The following SPACA7 variants were observed in gnomAD, a reference collection of about 807,000 sequenced individuals.
SPACA7 encodes sperm acrosome-associated protein 7.
Under a neutral mutation model 26.3 loss-of-function variants are expected in SPACA7, and 19 were observed. That is an observed-to-expected ratio of 0.72 (90% CI 0.50 to 1.06). The LOEUF is 1.06. Ranked by LOEUF, SPACA7 falls within the 50% of genes least tolerant of loss-of-function variation. The pLI, the probability that SPACA7 is intolerant of heterozygous loss-of-function variation, is 0.00. For missense variants in SPACA7, 211 were observed against 229.9 expected (o/e 0.92, Z 0.53); for synonymous variants, 84 against 84.5 (o/e 0.99, Z 0.04).
chr13:112,431,896 T>G (rs924581274), intron 5 of SPACA7, among the ~76,000 whole-genome samples: 1 of 152,190 alleles, frequency 6.6e-6, no homozygotes, highest in Non-Finnish European at 1.5e-5. Context: ...TGGGGGGACT[T>G]GGAGCCACTC....
intron 5 of SPACA7, among the ~76,000 whole-genome samples, chr13:112,403,859 A>G (rs950362091): frequency 1.3e-5 from 2 of 152,132 alleles, no homozygotes; most frequent in Non-Finnish European, 2.9e-5. Context: ...TATTTTTGCA[A>G]TTGCAAATTG....
intron 6 of SPACA7, among the ~76,000 whole-genome samples, 156 bp from the exon 7 acceptor site, chr13:112,434,329 G>A (rs72670928): frequency 3.9e-5 from 6 of 151,974 alleles, no homozygotes; most frequent in African/African-American, 1.2e-4. Context: ...CCCCCCTCCC[G>A]GTCCTCCTGC....
chr13:112,397,096 T>C (rs1017826729), intron 2 of SPACA7, among the ~76,000 whole-genome samples: 14 of 152,180 alleles, frequency 9.2e-5, no homozygotes, highest in South Asian at 2.1e-4. Context: ...GGCTGCTGGG[T>C]GAGAAACCAA....
At chr13:112,395,694 T>A (rs149147160) in intron 2 of SPACA7, among the ~76,000 whole-genome samples, 3,609 of 152,190 alleles carry the variant, frequency 0.024, 132 homozygotes, top group African/African-American at 0.082. Context: ...GGTCTCAAAG[T>A]CCTAACCTCA....
At chr13:112,385,744 A>C (rs1884484003) in intron 1 of SPACA7, among the ~76,000 whole-genome samples, 1 of 152,230 alleles carries the variant, frequency 6.6e-6, no homozygotes, top group South Asian at 2.1e-4. Flanking sequence ...ATTACTGGTC[A>C]CGTGAACAAA....
At chr13:112,414,789 C>T (rs535063263) in intron 5 of SPACA7, among the ~76,000 whole-genome samples, 5 of 152,316 alleles carry the variant, frequency 3.3e-5, no homozygotes, top group East Asian at 3.9e-4. Flanking sequence ...CACACATCTT[C>T]GTATCTCTAG....
chr13:112,406,142 A>G (rs967375624), intron 5 of SPACA7, among the ~76,000 whole-genome samples: 1 of 152,208 alleles, frequency 6.6e-6, no homozygotes, highest in Non-Finnish European at 1.5e-5. Flanking sequence ...GTACAGTTCC[A>G]TGATGTTAAA....
chr13:112,379,546 T>A (rs994221778), intron 1 of SPACA7, among the ~76,000 whole-genome samples: 3 of 152,204 alleles, frequency 2.0e-5, no homozygotes, highest in African/African-American at 7.2e-5. Context: ...GGACATATCA[T>A]GGACAGTAAG....
chr13:112,408,194 A>C (rs1245865784), intron 5 of SPACA7, among the ~76,000 whole-genome samples: 1 of 152,174 alleles, frequency 6.6e-6, no homozygotes, highest in Non-Finnish European at 1.5e-5. Flanking sequence ...ACTCTCAATA[A>C]ATTAGGTATT....
At chr13:112,424,129 AC>A (rs996056765) in intron 5 of SPACA7, among the ~76,000 whole-genome samples, 2 of 151,938 alleles carry the variant, frequency 1.3e-5, no homozygotes, top group African/African-American at 4.8e-5. Flanking sequence ...CCGAACAAGG[AC>A]CCCCCTGGGT....
rs537554185 is a variant in SPACA7, at chr13:112,399,786, G to C, written c.349+613G>C. Among the ~76,000 whole-genome samples the C allele has an allele frequency of 4.6e-5, 7 of 152,322 alleles. No individual in the cohort carries two copies. The South Asian group carries it at 1.4e-3, about 32-fold the overall frequency. On this transcript the variant is annotated intron_variant, in intron 4 of 6. Transcript: ENST00000283550. The stretch of plus-strand genomic sequence containing the variant: ...GAGGCTGAGTAATTTATAAAGAAAA[G>C]AGGTTTAATTTGTTCATGGTTCTGC...
intron 5 of SPACA7, among the ~76,000 whole-genome samples, chr13:112,430,411 T>C (rs1221186703): frequency 1.3e-5 from 2 of 152,222 alleles, no homozygotes; most frequent in African/African-American, 2.4e-5. Context: ...TTCTCCGATA[T>C]ATGGGAAAGC....
chr13:112,427,302 C>T (rs1040011757), intron 5 of SPACA7, among the ~76,000 whole-genome samples: 2 of 152,200 alleles, frequency 1.3e-5, no homozygotes, highest in African/African-American at 2.4e-5. Context: ...AAAGCAGGTG[C>T]GTCCACAGTT....
intron 5 of SPACA7, among the ~76,000 whole-genome samples, chr13:112,408,990 C>G (rs1426586220): frequency 6.6e-6 from 1 of 152,200 alleles, no homozygotes; most frequent in Non-Finnish European, 1.5e-5. Flanking sequence ...GTAACCAAAA[C>G]AGCATGATAC....
At chr13:112,379,686 G>T (rs1367016174) in intron 1 of SPACA7, among the ~76,000 whole-genome samples, 4 of 152,144 alleles carry the variant, frequency 2.6e-5, no homozygotes, top group Non-Finnish European at 5.9e-5. Flanking sequence ...ATCAAATAAA[G>T]CTAATTAGTT....
chr13:112,384,672 C>G (rs1884415133), intron 1 of SPACA7, among the ~76,000 whole-genome samples: 1 of 152,092 alleles, frequency 6.6e-6, no homozygotes, highest in South Asian at 2.1e-4. Context: ...ATGATAACTT[C>G]AAAATCTTAA....
At chr13:112,416,804 T>TTGTGTGTGTG (rs148795567) in intron 5 of SPACA7, among the ~76,000 whole-genome samples, 38,500 of 147,780 alleles carry the variant, frequency 0.26, 5,601 homozygotes, top group Non-Finnish European at 0.35. Flanking sequence ...TGATTATGAG[T>TTGTGTGTGTG]TGTGTGTGTG....
chr13:112,430,264 A>G (rs1412135626), intron 5 of SPACA7, among the ~76,000 whole-genome samples: 1 of 151,374 alleles, frequency 6.6e-6, no homozygotes, highest in Non-Finnish European at 1.5e-5. Flanking sequence ...CCCTCAGTAT[A>G]TTGAGATCAC....
chr13:112,432,118 GC>G (rs1877206658), intron 5 of SPACA7, among the ~76,000 whole-genome samples: 1 of 152,226 alleles, frequency 6.6e-6, no homozygotes, highest in Admixed American at 6.5e-5. Flanking sequence ...GCAGTGGGGA[GC>G]CCTTAGGACA....
Sources: allele counts gnomAD v4.1 joint callset (sites outside exome capture counted in the v4.1 genomes callset), GRCh38; gene constraint gnomAD v4.1.1; transcripts MANE v1.5; gene names NCBI Gene and HGNC (gene_info 2026-07-23, HGNC 2026-07-21).